Variants in LRP1B observed in about 807,000 individuals in gnomAD.
LRP1B encodes the protein low-density lipoprotein receptor-related protein 1B.
In LRP1B, 217 loss-of-function variants were observed where a neutral mutation model predicts 556.6. The ratio of observed to expected loss-of-function variants is 0.39; its 90% CI spans 0.35 to 0.44. LRP1B has a LOEUF of 0.44. Among genes scored for constraint, LRP1B ranks in the 20% least tolerant of loss-of-function variants. LRP1B has a pLI of 1.00. For missense variants in LRP1B, 5,053 were observed against 5,620.8 expected, an observed-to-expected ratio of 0.90 and a Z score of 3.23; for synonymous variants, 2,047 against 1,865.8, an observed-to-expected ratio of 1.10 and a Z score of -2.50.
chr2:140,953,380 C>T (rs970673535), intron 18 of LRP1B, among the ~76,000 whole-genome samples: 4 of 152,156 alleles, frequency 2.6e-5, no homozygotes, highest in Admixed American at 2.0e-4. Context: ...TGAGCCACTG[C>T]GCCTGGCCCA....
chr2:141,615,408 C>G (rs1419591036), intron 2 of LRP1B, among the ~76,000 whole-genome samples: 2 of 152,160 alleles, frequency 1.3e-5, no homozygotes, highest in African/African-American at 2.4e-5. Flanking sequence ...TTAGTCTGTT[C>G]TGTTCACTGA....
intron 25 of LRP1B, among the ~76,000 whole-genome samples, chr2:140,875,755 A>C (rs1693285271): frequency 6.6e-6 from 1 of 152,196 alleles, no homozygotes; most frequent in East Asian, 1.9e-4. Flanking sequence ...AAGCATTGTC[A>C]ATTGTGAAAT....
At chr2:142,008,700 T>C (rs1164461151) in intron 1 of LRP1B, among the ~76,000 whole-genome samples, 2 of 152,114 alleles carry the variant, frequency 1.3e-5, no homozygotes, top group African/African-American at 2.4e-5. Flanking sequence ...ATTTTTTTTT[T>C]CCGAGTCCTC....
intron 60 of LRP1B, among the ~76,000 whole-genome samples, chr2:140,473,359 A>C (rs2105345391): frequency 6.6e-6 from 1 of 152,088 alleles, no homozygotes; most frequent in South Asian, 2.1e-4. Flanking sequence ...ATCAAGTTTG[A>C]AATTTTTAAT....
intron 1 of LRP1B, among the ~76,000 whole-genome samples, chr2:142,011,334 T>C (rs556927557): frequency 1.3e-5 from 2 of 152,348 alleles, no homozygotes; most frequent in East Asian, 1.9e-4. Context: ...ATAATATACA[T>C]GAGCAGTTTT....
chr2:140,889,663 G>A (rs1693741136), intron 23 of LRP1B, among the ~76,000 whole-genome samples: 1 of 152,058 alleles, frequency 6.6e-6, no homozygotes, highest in South Asian at 2.1e-4. Flanking sequence ...GGGTGATGTT[G>A]TTACCCCCAT....
intron 1 of LRP1B, among the ~76,000 whole-genome samples, chr2:142,043,944 C>A (rs889030347): frequency 1.3e-5 from 2 of 151,708 alleles, no homozygotes; most frequent in African/African-American, 4.8e-5. Context: ...ATAGCCTGGA[C>A]AATTTGTGAA....
At chr2:140,437,004 G>T (rs772126197) in intron 66 of LRP1B, among the ~76,000 whole-genome samples, 1 of 152,138 alleles carries the variant, frequency 6.6e-6, no homozygotes, top group East Asian at 1.9e-4. Flanking sequence ...CTCCTCACAG[G>T]ACCTGGGAGG....
At chr2:140,509,083 A>ACAC (rs1558931371) in intron 52 of LRP1B, among the ~76,000 whole-genome samples, 32 of 148,900 alleles carry the variant, frequency 2.1e-4, no homozygotes, top group African/African-American at 7.0e-4. Flanking sequence ...CACACACACA[A>ACAC]ACACACACAC....
chr2:141,494,817 C>G (rs1683458287), intron 2 of LRP1B, among the ~76,000 whole-genome samples: 1 of 123,160 alleles, frequency 8.1e-6, no homozygotes, highest in African/African-American at 3.1e-5. Context: ...CAATGAGATT[C>G]AGATTGAAAC....
intron 18 of LRP1B, among the ~76,000 whole-genome samples, chr2:140,975,428 C>T (rs12619974): frequency 0.16 from 23,803 of 152,078 alleles, 1,947 homozygotes; most frequent in South Asian, 0.19. Flanking sequence ...TCTAGACCTG[C>T]TTGAAAAGAT....
intron 1 of LRP1B, among the ~76,000 whole-genome samples, chr2:141,949,548 C>G (rs934320403): frequency 1.3e-5 from 2 of 152,090 alleles, no homozygotes; most frequent in African/African-American, 2.4e-5. Context: ...CACCACCATG[C>G]CCAGCTAATT....
intron 1 of LRP1B, among the ~76,000 whole-genome samples, chr2:142,039,651 G>C (rs150255430): frequency 4.7e-4 from 71 of 151,634 alleles, no homozygotes; most frequent in African/African-American, 1.7e-3. Flanking sequence ...AGAGCAGTTG[G>C]ATGTGGGGAT....
chr2:141,945,368 G>A (rs1359353578), intron 1 of LRP1B, among the ~76,000 whole-genome samples: 4 of 152,076 alleles, frequency 2.6e-5, no homozygotes, highest in Admixed American at 2.0e-4. Context: ...TACACATAGA[G>A]AATGGTTTAT....
chr2:140,896,738 T>A (rs1559180958), intron 23 of LRP1B, among the ~76,000 whole-genome samples: 1 of 152,072 alleles, frequency 6.6e-6, no homozygotes, highest in Admixed American at 6.6e-5. Context: ...GTCTCAGCCC[T>A]CCAAAGTGTT....
At chr2:141,157,615 C>T (rs535510646) in intron 7 of LRP1B, among the ~76,000 whole-genome samples, 1 of 152,062 alleles carries the variant, frequency 6.6e-6, no homozygotes, top group Non-Finnish European at 1.5e-5. Flanking sequence ...TAGTAATATC[C>T]TATCATGGAT....
At chr2:141,137,845 T>C (rs1325635004) in intron 7 of LRP1B, among the ~76,000 whole-genome samples, 1 of 151,890 alleles carries the variant, frequency 6.6e-6, no homozygotes, top group African/African-American at 2.4e-5. Context: ...GTTACAACAC[T>C]GTTTCACTTG....
chr2:140,877,939 G>A (rs1007424534), intron 25 of LRP1B, among the ~76,000 whole-genome samples: 30 of 152,296 alleles, frequency 2.0e-4, no homozygotes, highest in African/African-American at 7.0e-4. Context: ...TCAGGTTTAT[G>A]GGGTTCACAG....
intron 18 of LRP1B, among the ~76,000 whole-genome samples, chr2:140,981,446 C>T (rs1215503212): frequency 6.6e-6 from 1 of 152,040 alleles, no homozygotes; most frequent in Non-Finnish European, 1.5e-5. Context: ...AAATAAAGCA[C>T]AAGTCTTAGA....
Sources: gnomAD v4.1 joint callset for allele counts (sites outside exome capture counted in the v4.1 genomes callset) on GRCh38, gnomAD v4.1.1 for gene constraint, MANE v1.5 for transcripts, NCBI Gene and HGNC (gene_info 2026-07-23, HGNC 2026-07-21) for gene names.